The following SGSM1 variants were observed in gnomAD, a reference collection of about 807,000 sequenced individuals.
SGSM1 encodes the protein small G protein signaling modulator 1, also known as RUN and TBC1 domain containing 2.
SGSM1 carries 73 observed loss-of-function variants against 133.8 expected under a neutral mutation model. The observed-to-expected ratio is 0.55, with a 90% CI of 0.45 to 0.66. The LOEUF (loss-of-function observed/expected upper bound fraction) is 0.66, where lower values mean the gene tolerates loss of function less well. Ranked by LOEUF, SGSM1 falls within the 30% of genes least tolerant of loss-of-function variation. The probability of loss-of-function intolerance (pLI) is 0.00; values close to 1 mark genes in which losing one functional copy is unlikely to be tolerated. For missense variants in SGSM1, 1,213 were observed against 1,448.1 expected (o/e 0.84, Z 2.64); for synonymous variants, 563 against 573.0 (o/e 0.98, Z 0.25).
At chr22:24,900,558 C>G (rs1022794731) in intron 19 of SGSM1, among the ~76,000 whole-genome samples, 2 of 151,938 alleles carry the variant, frequency 1.3e-5, no homozygotes, top group Admixed American at 6.6e-5. Flanking sequence ...CACCCACGCC[C>G]GGCTGATTTT....
intron 12 of SGSM1, among the ~76,000 whole-genome samples, chr22:24,873,664 A>G (rs1438763587): frequency 1.3e-5 from 2 of 152,172 alleles, no homozygotes; most frequent in African/African-American, 4.8e-5. Context: ...CAGCCTGGGC[A>G]ACATGGCAAA....
intron 20 of SGSM1, among the ~76,000 whole-genome samples, chr22:24,904,827 C>A (rs552746693): frequency 4.2e-4 from 64 of 152,150 alleles, no homozygotes; most frequent in African/African-American, 1.4e-3. Flanking sequence ...ACTCCTTGTA[C>A]CCCCAGTAAA....
chr22:24,812,601 ATGTGCCAGGC>A (rs1927817581), intron 2 of SGSM1, among the ~76,000 whole-genome samples: 1 of 152,180 alleles, frequency 6.6e-6, no homozygotes, highest in Admixed American at 6.5e-5. Context: ...GCAGGGCTGT[ATGTGCCAGGC>A]TGTGCCATTT....
intron 2 of SGSM1, among the ~76,000 whole-genome samples, chr22:24,816,417 CTTT>C (rs3062145): frequency 1.5e-5 from 2 of 130,074 alleles, no homozygotes. Context: ...TTTTTTCTTT[CTTT>C]TTTTTTTTTT....
chr22:24,907,911 CAAAAAAAA>C lies in SGSM1; in HGVS notation c.2818+2741_2818+2748del, dbSNP rs796505229. Among the ~76,000 whole-genome samples, 218 of 57,070 alleles carry C rather than the reference CAAAAAAAA, an allele frequency of 3.8e-3. 1 individual carries two copies. Among genetic ancestry groups the C allele is most frequent in the Non-Finnish European group, 6.5e-3 (190 of 29,394 alleles). 37.4% of individuals were successfully genotyped at this position (57,070 alleles called of 152,430 possible). ...TAGGTGACAGAGCAAGACGCCATCT[CAAAAAAAA>C]AAAAAAAAAAAAAAAAGATGTTGCA... On this transcript the variant is annotated intron_variant, in intron 21 of 24. Transcript: ENST00000400358.
At chr22:24,866,980 G>A (rs1931492136) in intron 9 of SGSM1, 113 bp from the exon 10 acceptor site, 1 of 922,908 alleles carries the variant, frequency 1.1e-6, no homozygotes, top group Non-Finnish European at 1.7e-6. Flanking sequence ...AGATGCTGGG[G>A]ACCTAATGGG....
chr22:24,860,945 A>ATATATG (rs1214203355), intron 9 of SGSM1, among the ~76,000 whole-genome samples: 1 of 138,052 alleles, frequency 7.2e-6, no homozygotes, highest in African/African-American at 2.7e-5. Context: ...ATATATATAT[A>ATATATG]TATAATTTTG....
intron 18 of SGSM1, among the ~76,000 whole-genome samples, chr22:24,897,686 G>A (rs905118685): frequency 2.0e-5 from 3 of 152,194 alleles, no homozygotes; most frequent in African/African-American, 7.2e-5. Context: ...CCAGGCTGGT[G>A]TCAAACTCTT....
intron 8 of SGSM1, among the ~76,000 whole-genome samples, chr22:24,858,535 T>C (rs139698): frequency 0.059 from 8,852 of 151,252 alleles, 332 homozygotes; most frequent in African/African-American, 0.11. Flanking sequence ...ACTCGGGAAG[T>C]TGAGGCAGAA....
chr22:24,897,852 C>A, intron 18 of SGSM1, 120 bp from the exon 19 acceptor site: 1 of 838,646 alleles, frequency 1.2e-6, no homozygotes, highest in Non-Finnish European at 1.9e-6. Context: ...GTATGGTATT[C>A]CACTGCATGC....
At chr22:24,809,483 G>T (rs944885896) in intron 2 of SGSM1, among the ~76,000 whole-genome samples, 8 of 152,222 alleles carry the variant, frequency 5.3e-5, no homozygotes, top group African/African-American at 1.9e-4. Context: ...GCTCTGCAAG[G>T]TTTGCCAGAG....
chr22:24,855,246 T>C (rs1251418504), intron 6 of SGSM1, 39 bp from the exon 7 acceptor site: 8 of 1,588,626 alleles, frequency 5.0e-6, no homozygotes, highest in Non-Finnish European at 6.9e-6. Flanking sequence ...GGGAGGACTT[T>C]CCGGGGCAGT....
At chr22:24,865,610 C>T (rs1931402508) in intron 9 of SGSM1, among the ~76,000 whole-genome samples, 2 of 152,044 alleles carry the variant, frequency 1.3e-5, no homozygotes, top group African/African-American at 4.8e-5. Context: ...GGGATTTGAA[C>T]GCTGCCTGAC....
At chr22:24,838,454 C>T (rs1290120728) in intron 2 of SGSM1, among the ~76,000 whole-genome samples, 1 of 152,216 alleles carries the variant, frequency 6.6e-6, no homozygotes, top group Non-Finnish European at 1.5e-5. Flanking sequence ...GAGTGGGTTC[C>T]CTTCCATCTG....
rs1190614815 is a variant in SGSM1, at chr22:24,925,826, G to A, written c.*1552G>A. The A allele has an allele frequency of 6.6e-6, 1 of 152,264 alleles. No homozygotes were observed. Among genetic ancestry groups the A allele is most frequent in the Non-Finnish European group, 1.5e-5 (1 of 68,098 alleles). The allele number at this position is 152,264 out of a possible 1,614,324, so 9.4% of individuals were successfully genotyped here. A position where few individuals can be genotyped will look rare whatever the true frequency, so the allele number is the denominator to read the frequency against. ...ATGAACTGGGTCCAGGGCCGTGCTA[G>A]GTCTGGGAACAATCCTCTCCAGGTC... On this transcript the variant is annotated 3_prime_UTR_variant, in exon 25 of 25. Coordinates refer to ENST00000400358, the MANE Select transcript of SGSM1 (RefSeq NM_001098497.3).
At chr22:24,855,866 C>T in intron 8 of SGSM1, 186 bp downstream of exon 8, 1 of 847,146 alleles carries the variant, frequency 1.2e-6, no homozygotes, top group South Asian at 1.5e-5. Flanking sequence ...TCCTTACATC[C>T]ATCCATCCAC....
At chr22:24,879,342 A>G in intron 13 of SGSM1, 120 bp from the exon 14 acceptor site, 1 of 857,802 alleles carries the variant, frequency 1.2e-6, no homozygotes, top group Non-Finnish European at 1.9e-6. Flanking sequence ...CCCTCCCTAC[A>G]GTCTCCCTGA....
At chr22:24,823,969 A>G (rs1444565593) in intron 2 of SGSM1, among the ~76,000 whole-genome samples, 2 of 152,238 alleles carry the variant, frequency 1.3e-5, no homozygotes, top group Admixed American at 6.5e-5. Context: ...GATATCACCC[A>G]TTTCACAGAT....
intron 10 of SGSM1, 29 bp from the exon 11 acceptor site, chr22:24,868,346 TG>T: frequency 6.3e-7 from 1 of 1,594,544 alleles, no homozygotes. Flanking sequence ...TGACTTCCAC[TG>T]GGTCTTCTCT....
Sources: allele counts gnomAD v4.1 joint callset (sites outside exome capture counted in the v4.1 genomes callset), GRCh38; gene constraint gnomAD v4.1.1; transcripts MANE v1.5; gene names NCBI Gene and HGNC (gene_info 2026-07-23, HGNC 2026-07-21).